The following IGFL3 variants were observed in gnomAD, a reference collection of about 807,000 sequenced individuals.
IGFL3 encodes the protein IGF like family member 3, also known as insulin growth factor-like family member 3.
A neutral mutation model predicts 17.0 loss-of-function variants in IGFL3; 12 were observed. The ratio of observed to expected loss-of-function variants is 0.71; its 90% confidence interval spans 0.45 to 1.14. The LOEUF (loss-of-function observed/expected upper bound fraction) is 1.14, where lower values mean the gene tolerates loss of function less well. IGFL3 is among the 50% of genes most tolerant of loss of function. The probability of loss-of-function intolerance (pLI) is 0.00; values close to 1 mark genes in which losing one functional copy is unlikely to be tolerated. For synonymous variants in IGFL3, 52 were observed against 57.4 expected (o/e 0.91, Z 0.42); for missense variants, 153 against 151.6 (o/e 1.01, Z -0.05).
Position 46,120,117 on chromosome 19 carries a change from G to C in IGFL3, c.*213C>G. 1 of 613,758 alleles carries C rather than the reference G, an allele frequency of 1.6e-6. No individual in the cohort carries two copies. 38.0% of individuals were successfully genotyped at this position (613,758 alleles called of 1,614,324 possible). A position where few individuals can be genotyped will look rare whatever the true frequency, so the allele number is the denominator to read the frequency against. On this transcript the variant is annotated 3_prime_UTR_variant, in exon 4 of 4. Coordinates refer to ENST00000341415, the MANE Select transcript of IGFL3 (RefSeq NM_207393.2). ...TTATTGCCGATGAAAGTGGCTCTCA[G>C]CGGGAAGGGGAGCTGGAAAGGGGAT...
Position 46,124,171 on chromosome 19 carries a change from T to G in IGFL3, c.80-15A>C, listed in dbSNP as rs757192191. ...AACAGGAGCGTCTGGGGGCAGACATTGATGGTGTACATCCAAGGAAGAACA... is the reference window on the plus strand; with the variant it reads ...AACAGGAGCGTCTGGGGGCAGACATGGATGGTGTACATCCAAGGAAGAACA... On this transcript the variant is annotated splice_polypyrimidine_tract_variant and intron_variant, in intron 2 of 3. Coordinates refer to ENST00000341415, the MANE Select transcript of IGFL3 (RefSeq NM_207393.2). 1 of 1,610,338 alleles carries G rather than the reference T, an allele frequency of 6.2e-7. No individual in the cohort carries two copies. The highest frequency in any genetic ancestry group is 8.5e-7 in the Non-Finnish European group (1 of 1,179,004).
chr19:46,124,533 T>A (rs1971983566), intron 1 of IGFL3, 92 bp downstream of exon 1: 1 of 1,295,952 alleles, frequency 7.7e-7, no homozygotes, highest in African/African-American at 1.5e-5. Context: ...GCTGGAATAA[T>A]GTTAGAGATA....
At chr19:46,123,595 T>A (rs567727629) in intron 3 of IGFL3, among the ~76,000 whole-genome samples, 2 of 151,074 alleles carry the variant, frequency 1.3e-5, no homozygotes, top group Non-Finnish European at 2.9e-5. Context: ...TAGCATGTTT[T>A]TTTACATCAG....
At chr19:46,120,572 A>G (rs1370067606) in intron 3 of IGFL3, among the ~76,000 whole-genome samples, 1 of 150,914 alleles carries the variant, frequency 6.6e-6, no homozygotes, top group Admixed American at 6.6e-5. Flanking sequence ...ACAGATCCCA[A>G]TAACAAAGAA....
At chr19:46,122,997 T>TA (rs1458013351) in intron 3 of IGFL3, among the ~76,000 whole-genome samples, 1 of 151,002 alleles carries the variant, frequency 6.6e-6, no homozygotes, top group East Asian at 2.0e-4. Flanking sequence ...GAAAATAATG[T>TA]AAATGCTATG....
chr19:46,120,252 T>A lies in IGFL3; in HGVS notation c.*78A>T. 1 of 1,598,088 alleles carries A rather than the reference T, an allele frequency of 6.3e-7. No individual in the cohort carries two copies. ...GAAGTCAAGTTGCTTCTCTCCGAAG[T>A]TCAACTGTAGTCTCCGATGTCCAGC... is the stretch of plus-strand genomic sequence containing the variant. On this transcript the variant is annotated 3_prime_UTR_variant, in exon 4 of 4. Transcript: ENST00000341415.
chr19:46,121,976 A>G (rs1971801606), intron 3 of IGFL3, among the ~76,000 whole-genome samples: 1 of 151,052 alleles, frequency 6.6e-6, no homozygotes, highest in South Asian at 2.1e-4. Flanking sequence ...AACAAACACA[A>G]CATAGTATTT....
rs1568406017 is a variant in IGFL3, at chr19:46,124,288, T to C, written c.59A>G (p.Gln20Arg). 6.2e-6 allele frequency: 10 copies of C among 1,610,832 alleles called. No individual in the cohort carries two copies. In the South Asian group the frequency reaches 1.1e-4, roughly 18 times the overall value. Residue 20 changes from glutamine to arginine, a missense_variant, in exon 2 of 4, where the codon CAG (glutamine) becomes CGG (arginine). Coordinates refer to ENST00000341415, the MANE Select transcript of IGFL3 (RefSeq NM_207393.2). Reference protein sequence around the residue: ...LVCWITVFLLQCSKGTTDAPV... With the variant: ...LVCWITVFLLRCSKGTTDAPV... ...CTTACCTGTAGTTCCTTTTGAACAC[T>C]GGAGGAGGAAGACTGTTATCCAGCA...
At chr19:46,120,975 C>T (rs1364233068) in intron 3 of IGFL3, among the ~76,000 whole-genome samples, 1 of 150,396 alleles carries the variant, frequency 6.6e-6, no homozygotes, top group African/African-American at 2.5e-5. Context: ...ACTTAAGAAG[C>T]CTTAGGTTTA....
rs1971933393 is a variant in IGFL3 at position 46,123,941 on chromosome 19, C to A, written c.295G>T (p.Val99Phe). 2.5e-6 allele frequency: 4 copies of A among 1,611,474 alleles called. No individual in the cohort carries two copies. Among genetic ancestry groups the A allele is most frequent in the Non-Finnish European group, 2.5e-6 (3 of 1,179,626 alleles). ...TGACACTGAGACTTCATACCCAGAA[C>A]CCTCAACTTCACAAGAAACTTCTGC... ...PQQKFLVKLRVLGMKSQCHLS... is the reference protein window; with the variant it reads ...PQQKFLVKLRFLGMKSQCHLS... The change falls in exon 3 of 4, where the codon GTT becomes TTT. Residue 99 changes from valine to phenylalanine, a missense_variant. Transcript: ENST00000341415.
At position 46,120,094 on chromosome 19, in the gene IGFL3, A is replaced by AT. The variant is rs200895452; in HGVS notation, c.*235dup. 2,894 of 554,052 alleles carry AT rather than the reference A, an allele frequency of 5.2e-3. 206 individuals carry two copies. Among genetic ancestry groups the AT allele is most frequent in the African/African-American group, 0.052 (2,652 of 50,774 alleles). 34.3% of individuals were successfully genotyped at this position (554,052 alleles called of 1,614,324 possible). A position where few individuals can be genotyped will look rare whatever the true frequency, so the allele number is the denominator to read the frequency against. The stretch of plus-strand genomic sequence containing the variant: ...GAAGATGGTAAATGTGGGGGATTTT[A>AT]TTGCCGATGAAAGTGGCTCTCAGCG... On this transcript the variant is annotated 3_prime_UTR_variant, in exon 4 of 4. Transcript: ENST00000341415.
At chr19:46,123,860 G>C (rs1463936229) in intron 3 of IGFL3, 26 bp downstream of exon 3, 1 of 1,584,822 alleles carries the variant, frequency 6.3e-7, no homozygotes, top group Non-Finnish European at 8.6e-7. Context: ...CATTCCTTTA[G>C]TTAAGAGCAA....
At chr19:46,121,751 A>C (rs1175143161) in intron 3 of IGFL3, among the ~76,000 whole-genome samples, 3 of 150,910 alleles carry the variant, frequency 2.0e-5, no homozygotes, top group Non-Finnish European at 4.4e-5. Context: ...AAACGTAGAA[A>C]AATTGTTGCA....
Sources: allele counts gnomAD v4.1 joint callset (sites outside exome capture counted in the v4.1 genomes callset), GRCh38; gene constraint gnomAD v4.1.1; transcripts MANE v1.5; gene names NCBI Gene and HGNC (gene_info 2026-07-23, HGNC 2026-07-21).